The following KIAA1671 variants were observed in gnomAD, a reference collection of about 807,000 sequenced individuals.
KIAA1671 encodes the protein uncharacterized protein KIAA1671.
In KIAA1671, 52 loss-of-function variants were observed where a neutral mutation model predicts 131.2. The ratio of observed to expected loss-of-function variants is 0.40; its 90% CI spans 0.32 to 0.50. The LOEUF (loss-of-function observed/expected upper bound fraction) is 0.50. Among genes scored for constraint, KIAA1671 ranks in the 20% least tolerant of loss-of-function variants. The pLI, the probability that KIAA1671 is intolerant of heterozygous loss-of-function variation, is 0.73. For synonymous variants in KIAA1671, 1,003 were observed against 961.6 expected, an observed-to-expected ratio of 1.04 and a Z score of -0.80; for missense variants, 2,360 against 2,364.2, an observed-to-expected ratio of 1.00 and a Z score of 0.04.
intron 1 of KIAA1671, among the ~76,000 whole-genome samples, chr22:24,988,738 A>AC (rs1923683787): frequency 8.7e-6 from 1 of 115,506 alleles, no homozygotes; most frequent in South Asian, 3.1e-4. Context: ...TCCATCTCAA[A>AC]AAAAAAAAAA....
chr22:25,037,564 A>G (rs1926683117), intron 4 of KIAA1671, among the ~76,000 whole-genome samples: 1 of 152,060 alleles, frequency 6.6e-6, no homozygotes, highest in African/African-American at 2.4e-5. Flanking sequence ...GAGTGGCATT[A>G]AGGACGTTTT....
At chr22:24,998,963 G>T (rs1357339040) in intron 1 of KIAA1671, among the ~76,000 whole-genome samples, 1 of 151,974 alleles carries the variant, frequency 6.6e-6, no homozygotes, top group East Asian at 1.9e-4. Flanking sequence ...GGAGGAAACT[G>T]TTATGAGCAT....
At chr22:25,127,335 G>A (rs750466277) in intron 6 of KIAA1671, among the ~76,000 whole-genome samples, 3 of 152,152 alleles carry the variant, frequency 2.0e-5, no homozygotes, top group Non-Finnish European at 4.4e-5. Context: ...CTGGAATGAC[G>A]GAACCGTGGC....
chr22:25,192,080 C>G (rs1040123317), intron 12 of KIAA1671, among the ~76,000 whole-genome samples: 3 of 151,986 alleles, frequency 2.0e-5, no homozygotes, highest in Non-Finnish European at 4.4e-5. Flanking sequence ...GATAAGGGAT[C>G]GGGACCTGTG....
intron 6 of KIAA1671, among the ~76,000 whole-genome samples, chr22:25,125,953 A>T (rs1452006409): frequency 6.6e-6 from 1 of 152,246 alleles, no homozygotes; most frequent in African/African-American, 2.4e-5. Flanking sequence ...CTGCTCTGAT[A>T]AAGCGTTTTT....
At chr22:25,008,260 A>G (rs1162689922) in intron 1 of KIAA1671, among the ~76,000 whole-genome samples, 4 of 151,334 alleles carry the variant, frequency 2.6e-5, no homozygotes, top group East Asian at 1.9e-4. Context: ...TGGCTCACCA[A>G]TTCTTCCTGG....
intron 1 of KIAA1671, among the ~76,000 whole-genome samples, chr22:24,953,120 T>C (rs1018339948): frequency 2.0e-5 from 3 of 151,150 alleles, no homozygotes; most frequent in Non-Finnish European, 4.4e-5. Flanking sequence ...GATCGGGCGC[T>C]GGAGGCCTGG....
At position 25,186,456 on chromosome 22, in the gene KIAA1671, A is replaced by G. The variant is rs548338570; in HGVS notation, c.5342+1337A>G. The G allele has an allele frequency of 2.0e-3, 298 of 152,376 alleles. 3 individuals are homozygous for G. Among genetic ancestry groups the G allele is most frequent in the Non-Finnish European group, 3.5e-3 (238 of 68,072 alleles). The allele number at this position is 152,376 out of a possible 1,614,324, so 9.4% of individuals were successfully genotyped here. ...ATAAAAAAAGAAATAAAGAAAAAAA[A>G]TTAGCTGGCTGTGGTGGTACATGCC... On this transcript the variant is annotated intron_variant, in intron 11 of 12. Coordinates refer to ENST00000358431, the MANE Select transcript of KIAA1671 (RefSeq NM_001145206.2).
intron 6 of KIAA1671, among the ~76,000 whole-genome samples, chr22:25,065,742 C>T (rs982786462): frequency 4.6e-5 from 7 of 151,768 alleles, no homozygotes; most frequent in South Asian, 4.2e-4. Flanking sequence ...CGGATTCAAG[C>T]GATTCTCCTG....
At chr22:25,048,484 G>A (rs1166354558) in intron 5 of KIAA1671, among the ~76,000 whole-genome samples, 1 of 152,076 alleles carries the variant, frequency 6.6e-6, no homozygotes, top group Admixed American at 6.6e-5. Flanking sequence ...GTGAGGGAAG[G>A]GATTAGAAAT....
chr22:25,081,367 G>A (rs530347812), intron 6 of KIAA1671, among the ~76,000 whole-genome samples: 35 of 152,292 alleles, frequency 2.3e-4, no homozygotes, highest in African/African-American at 7.2e-4. Flanking sequence ...AGGTGACTTC[G>A]TGTCTCTGAT....
In KIAA1671 at chr22:25,028,493, A is replaced by T. The variant is rs1926085931; in HGVS notation, c.494A>T (p.Glu165Val). The T allele has an allele frequency of 6.5e-7, 1 of 1,549,298 alleles. No individual in the cohort carries two copies. The highest frequency in any genetic ancestry group is 1.4e-5 in the African/African-American group (1 of 73,048). ...ALGKAVSEGA[E>V]EAKLGVSGSR... The stretch of plus-strand genomic sequence containing the variant: ...GGGAAGGCGGTTAGTGAGGGGGCGG[A>T]GGAGGCCAAGCTAGGTGTGTCCGGC... The change falls in exon 3 of 13, where the codon GAG (glutamate) becomes GTG (valine). Residue 165 changes from glutamate (E) to valine (V), a missense_variant. Physicochemically the swap from Glu to Val is moderately radical, Grantham distance 121 (BLOSUM62 -2). Around this residue, in one of 3 missense-constraint regions of KIAA1671, gnomAD observed 1,185 missense variants for 1,126.2 expected, o/e 1.05. Transcript: ENST00000358431.
chr22:24,988,752 A>AC lies in KIAA1671; in HGVS notation c.-208+35980_-208+35981insC, dbSNP rs959715124. 1.2e-4 allele frequency among the ~76,000 whole-genome samples: 18 copies of AC among 151,944 alleles called. 1 individual carries two copies. The highest frequency in any genetic ancestry group is 4.3e-4 in the African/African-American group (18 of 41,414). On this transcript the variant is annotated intron_variant, in intron 1 of 12. Transcript: ENST00000358431. ...CTCCATCTCAAAAAAAAAAAAAAAAAAAATGGGTTTGGGTGGTTTATCTCA... is the reference window on the plus strand; with the variant it reads ...CTCCATCTCAAAAAAAAAAAAAAAAACAAATGGGTTTGGGTGGTTTATCTCA...
intron 1 of KIAA1671, among the ~76,000 whole-genome samples, chr22:25,000,093 C>T (rs760714088): frequency 4.0e-4 from 60 of 150,732 alleles, no homozygotes; most frequent in Non-Finnish European, 6.9e-4. Context: ...CCGTGTTAGC[C>T]AGGATGATGT....
Position 25,173,071 on chromosome 22 carries a change from C to G in KIAA1671, c.4650-1169C>G, listed in dbSNP as rs544641888. ...AGCCTCAGGAAACTTACAATCATGG[C>G]GGAAGGTGAAGGGGAAGCAAGGCAC... On this transcript the variant is annotated intron_variant, in intron 7 of 12. Coordinates refer to ENST00000358431, the MANE Select transcript of KIAA1671 (RefSeq NM_001145206.2). 1.3e-3 allele frequency among the ~76,000 whole-genome samples: 194 copies of G among 152,210 alleles called. 3 individuals carry two copies. In the South Asian group the frequency reaches 0.032, roughly 25 times the overall value.
chr22:25,040,763 G>C lies in KIAA1671; in HGVS notation c.3633G>C (p.Leu1211=). The C allele has an allele frequency of 6.4e-7, 1 of 1,551,824 alleles. No individual in the cohort carries two copies. Among genetic ancestry groups the C allele is most frequent in the Non-Finnish European group, 8.7e-7 (1 of 1,147,040 alleles). The stretch of plus-strand genomic sequence containing the variant: ...CCCTGATGGCAGAGTACCAGGAGCT[G>C]TCGCTGAAAGTCCCTGGGGAGGCTC... ...IDALMAEYQE[L]SLKVPGEAQE... The change falls in exon 5 of 13, where the codon CTG becomes CTC. Residue 1211 remains leucine, a synonymous_variant. Coordinates refer to ENST00000358431, the MANE Select transcript of KIAA1671 (RefSeq NM_001145206.2).
chr22:24,958,730 G>A (rs974648928), intron 1 of KIAA1671, among the ~76,000 whole-genome samples: 3 of 151,514 alleles, frequency 2.0e-5, no homozygotes, highest in South Asian at 4.2e-4. Flanking sequence ...CAGCACTTTC[G>A]GAGGCAGAGG....
At chr22:24,970,234 G>C (rs1470531582) in intron 1 of KIAA1671, among the ~76,000 whole-genome samples, 2 of 152,084 alleles carry the variant, frequency 1.3e-5, no homozygotes, top group South Asian at 2.1e-4. Flanking sequence ...GGACAGGCTC[G>C]AGACACCAGG....
Position 25,067,507 on chromosome 22 carries a change from C to G in KIAA1671, c.4530+18143C>G, listed in dbSNP as rs1010739822. 2.0e-5 allele frequency among the ~76,000 whole-genome samples: 3 copies of G among 151,978 alleles called. No individual in the cohort carries two copies. In the South Asian group the frequency reaches 6.2e-4, roughly 32 times the overall value. On this transcript the variant is annotated intron_variant, in intron 6 of 12. Transcript: ENST00000358431. ...TCTCCTCTCCCTCCATGTCTCTCGTCTTTCTCTTTTTCTCCTTTCACCCTC... is the reference window on the plus strand; with the variant it reads ...TCTCCTCTCCCTCCATGTCTCTCGTGTTTCTCTTTTTCTCCTTTCACCCTC...
Sources: allele counts gnomAD v4.1 joint callset (sites outside exome capture counted in the v4.1 genomes callset), GRCh38; gene constraint gnomAD v4.1.1; regional missense constraint gnomAD v4.1.1; transcripts MANE v1.5; gene names NCBI Gene and HGNC (gene_info 2026-07-23, HGNC 2026-07-21).